TAFA4: variants seen among roughly 807,000 people sequenced by gnomAD.
TAFA4 encodes the protein chemokine-like protein TAFA-4.
In TAFA4, 20 loss-of-function variants were observed where a neutral mutation model predicts 21.1. That is an observed-to-expected ratio of 0.95 (90% CI 0.67 to 1.38). The LOEUF (loss-of-function observed/expected upper bound fraction) is 1.38. Among genes scored for constraint, TAFA4 ranks in the 40% most tolerant of loss-of-function variants. TAFA4 has a pLI of 0.00. For synonymous variants in TAFA4, 71 were observed against 67.4 expected, an observed-to-expected ratio of 1.05 and a Z score of -0.26; for missense variants, 211 against 180.9, an observed-to-expected ratio of 1.17 and a Z score of -0.95.
intron 3 of TAFA4, among the ~76,000 whole-genome samples, chr3:68,757,438 C>T (rs1252321344): frequency 6.6e-6 from 1 of 152,076 alleles, no homozygotes; most frequent in Admixed American, 6.5e-5. Context: ...ACATTCAGTC[C>T]ATAACAAACC....
chr3:68,764,495 A>G (rs1702812070), intron 3 of TAFA4, among the ~76,000 whole-genome samples: 1 of 152,214 alleles, frequency 6.6e-6, no homozygotes, highest in South Asian at 2.1e-4. Flanking sequence ...AAAAAAGGTG[A>G]AATGATTCGT....
At chr3:68,743,575 C>CAA (rs1156284708) in intron 4 of TAFA4, among the ~76,000 whole-genome samples, 1,930 of 65,562 alleles carry the variant, frequency 0.029, 54 homozygotes, top group African/African-American at 0.1. Flanking sequence ...GACTCTGTCT[C>CAA]AAAAAAAAAA....
intron 3 of TAFA4, among the ~76,000 whole-genome samples, chr3:68,845,212 T>C (rs967640946): frequency 6.6e-6 from 1 of 152,344 alleles, no homozygotes; most frequent in East Asian, 1.9e-4. Context: ...GGTTCATATA[T>C]ATTTAGGATA....
intron 1 of TAFA4, among the ~76,000 whole-genome samples, chr3:68,917,689 G>A (rs995652277): frequency 7.3e-5 from 11 of 149,936 alleles, no homozygotes; most frequent in African/African-American, 2.7e-4. Flanking sequence ...GAGAGGCAGA[G>A]GTTGCAGTGA....
chr3:68,748,565 AC>A (rs1003692706), intron 4 of TAFA4, among the ~76,000 whole-genome samples: 5 of 151,852 alleles, frequency 3.3e-5, no homozygotes, highest in Non-Finnish European at 5.9e-5. Flanking sequence ...ACATGGGGAG[AC>A]CCCCGTCTCT....
chr3:68,877,566 C>T (rs1334914816), intron 3 of TAFA4, among the ~76,000 whole-genome samples: 1 of 152,096 alleles, frequency 6.6e-6, no homozygotes, highest in Non-Finnish European at 1.5e-5. Context: ...TAGGTCAAGG[C>T]CAGCAAATAA....
intron 3 of TAFA4, among the ~76,000 whole-genome samples, chr3:68,790,656 C>A (rs1488753018): frequency 6.6e-6 from 1 of 152,112 alleles, no homozygotes; most frequent in Non-Finnish European, 1.5e-5. Flanking sequence ...TGCAAATGAC[C>A]TCAAATCTGA....
intron 1 of TAFA4, among the ~76,000 whole-genome samples, chr3:68,896,635 A>T (rs1468148707): frequency 6.6e-6 from 1 of 152,188 alleles, no homozygotes; most frequent in Non-Finnish European, 1.5e-5. Flanking sequence ...AAGTGGCAAA[A>T]CACCTTATTG....
intron 3 of TAFA4, among the ~76,000 whole-genome samples, chr3:68,862,130 G>T (rs1394372987): frequency 6.6e-6 from 1 of 151,916 alleles, no homozygotes; most frequent in Non-Finnish European, 1.5e-5. Flanking sequence ...ATAGTTTTCT[G>T]ATGATGCCAC....
intron 1 of TAFA4, among the ~76,000 whole-genome samples, chr3:68,891,942 A>T (rs2089734490): frequency 6.6e-6 from 1 of 152,230 alleles, no homozygotes; most frequent in Non-Finnish European, 1.5e-5. Flanking sequence ...AGCATGCACA[A>T]TGAAATGTAA....
intron 1 of TAFA4, among the ~76,000 whole-genome samples, chr3:68,928,815 G>C (rs2090133173): frequency 6.6e-6 from 1 of 152,048 alleles, no homozygotes; most frequent in African/African-American, 2.4e-5. Context: ...CACTGGGCTA[G>C]GAATTAGGAC....
intron 3 of TAFA4, among the ~76,000 whole-genome samples, chr3:68,770,089 T>TG (rs1702925057): frequency 6.6e-6 from 1 of 151,992 alleles, no homozygotes; most frequent in Non-Finnish European, 1.5e-5. Context: ...ATCAGATCCA[T>TG]GAAAAAAAAA....
At chr3:68,749,851 A>G (rs1702528651) in intron 4 of TAFA4, among the ~76,000 whole-genome samples, 1 of 152,250 alleles carries the variant, frequency 6.6e-6, no homozygotes, top group Non-Finnish European at 1.5e-5. Context: ...AATTTACACT[A>G]GCCACATTTC....
chr3:68,802,764 T>C (rs758891469), intron 3 of TAFA4, among the ~76,000 whole-genome samples: 8 of 152,234 alleles, frequency 5.3e-5, no homozygotes, highest in Admixed American at 1.3e-4. Flanking sequence ...GTAACATTTC[T>C]AAGCATAGAA....
At chr3:68,798,041 A>T (rs933904850) in intron 3 of TAFA4, among the ~76,000 whole-genome samples, 1 of 152,244 alleles carries the variant, frequency 6.6e-6, no homozygotes, top group African/African-American at 2.4e-5. Context: ...TAATATAGGT[A>T]TATCTTCATC....
chr3:68,824,476 GCCT>G (rs1370383059), intron 3 of TAFA4, among the ~76,000 whole-genome samples: 3 of 152,034 alleles, frequency 2.0e-5, no homozygotes, highest in Admixed American at 6.6e-5. Context: ...CACCTCTCCT[GCCT>G]CCTCCTTTCA....
chr3:68,809,680 T>A (rs939126266), intron 3 of TAFA4, among the ~76,000 whole-genome samples: 5 of 151,462 alleles, frequency 3.3e-5, no homozygotes, highest in Non-Finnish European at 5.9e-5. Context: ...CTTCTAGCAG[T>A]TTTATGGTTT....
At chr3:68,927,650 A>G (rs56913423) in intron 1 of TAFA4, among the ~76,000 whole-genome samples, 1,616 of 152,280 alleles carry the variant, frequency 0.011, 29 homozygotes, top group African/African-American at 0.037. Flanking sequence ...TGTAGTGTCA[A>G]CACTTTGAGA....
intron 3 of TAFA4, among the ~76,000 whole-genome samples, chr3:68,865,387 G>A (rs1399541715): frequency 6.6e-6 from 1 of 151,890 alleles, no homozygotes; most frequent in Non-Finnish European, 1.5e-5. Flanking sequence ...TCATGGGGAG[G>A]ACCTGATGGA....
Sources: allele counts gnomAD v4.1 joint callset (sites outside exome capture counted in the v4.1 genomes callset), GRCh38; gene constraint gnomAD v4.1.1; transcripts MANE v1.5; gene names NCBI Gene and HGNC (gene_info 2026-07-23, HGNC 2026-07-21).